Variants in RBFOX2 observed in about 807,000 individuals in gnomAD.
The protein encoded by RBFOX2 is RNA binding protein fox-1 homolog 2.
Under a neutral mutation model 49.1 loss-of-function variants are expected in RBFOX2, and 10 were observed. The observed-to-expected ratio is 0.20, with a 90% CI of 0.13 to 0.35. The LOEUF (loss-of-function observed/expected upper bound fraction) is 0.35, where lower values mean the gene tolerates loss of function less well. Among genes scored for constraint, RBFOX2 ranks in the 10% least tolerant of loss-of-function variants. RBFOX2 has a pLI of 1.00. For synonymous variants in RBFOX2, 183 were observed against 187.4 expected, an observed-to-expected ratio of 0.98 and a Z score of 0.19; for missense variants, 323 against 486.9, an observed-to-expected ratio of 0.66 and a Z score of 3.17.
Position 35,793,405 on chromosome 22 carries a change from T to TA in RBFOX2, c.253-11660dup, listed in dbSNP as rs556515805. Among the ~76,000 whole-genome samples the TA allele has an allele frequency of 1.8e-3, 276 of 152,240 alleles. 2 individuals carry two copies. Among genetic ancestry groups the TA allele is most frequent in the African/African-American group, 6.5e-3 (270 of 41,560 alleles). On this transcript the variant is annotated intron_variant, in intron 2 of 11. Coordinates refer to ENST00000405409, the Ensembl canonical transcript of RBFOX2. ...AAATAAATCAATGAATAAAAATGTTTACGATGGAGTTCCTGATGGGTTAAA... is the reference window on the plus strand; with the variant it reads ...AAATAAATCAATGAATAAAAATGTTTAACGATGGAGTTCCTGATGGGTTAAA...
chr22:35,905,236 T>C (rs2048995936), intron 1 of RBFOX2, among the ~76,000 whole-genome samples: 1 of 151,980 alleles, frequency 6.6e-6, no homozygotes, highest in Non-Finnish European at 1.5e-5. Context: ...AAAAGGAATA[T>C]TATGTTAGAG....
At chr22:35,860,673 T>C (rs1195963070) in intron 1 of RBFOX2, among the ~76,000 whole-genome samples, 1 of 152,250 alleles carries the variant, frequency 6.6e-6, no homozygotes, top group Non-Finnish European at 1.5e-5. Flanking sequence ...TTCTAGGTCT[T>C]TGGCATTTCC....
intron 1 of RBFOX2, among the ~76,000 whole-genome samples, chr22:36,009,113 C>T (rs1603465946): frequency 6.6e-6 from 1 of 152,268 alleles, no homozygotes; most frequent in East Asian, 1.9e-4. Context: ...TACTAGAAGT[C>T]TTTCAGTGAA....
chr22:35,920,905 C>G (rs1461598591), intron 1 of RBFOX2, among the ~76,000 whole-genome samples: 1 of 152,130 alleles, frequency 6.6e-6, no homozygotes, highest in African/African-American at 2.4e-5. Context: ...AGATAATCAA[C>G]AACAAAACGT....
At chr22:35,849,538 A>C (rs1480035719) in intron 1 of RBFOX2, among the ~76,000 whole-genome samples, 1 of 152,210 alleles carries the variant, frequency 6.6e-6, no homozygotes, top group East Asian at 1.9e-4. Flanking sequence ...CACATAAATC[A>C]AACAGTATCT....
rs763481071 is a variant in RBFOX2, at chr22:35,978,203, G to A, written c.187-39306C>T. On this transcript the variant is annotated intron_variant, in intron 1 of 13. Coordinates refer to the RBFOX2 transcript ENST00000438146. ...ATATTTACAAATATGGAAAGAGGTT[G>A]GCTGCATTTAATGGAGTTATCAGTG... 9.9e-5 allele frequency among the ~76,000 whole-genome samples: 15 copies of A among 152,142 alleles called. No individual in the cohort carries two copies. The South Asian group carries it at 1.9e-3, about 19-fold the overall frequency.
At chr22:35,793,733 C>T (rs1031618583) in intron 2 of RBFOX2, among the ~76,000 whole-genome samples, 4 of 152,168 alleles carry the variant, frequency 2.6e-5, no homozygotes, top group African/African-American at 9.7e-5. Flanking sequence ...AATGCTTAAA[C>T]ATTTCTTCTG....
At chr22:35,954,417 G>A (rs1018666449) in intron 1 of RBFOX2, among the ~76,000 whole-genome samples, 1 of 152,190 alleles carries the variant, frequency 6.6e-6, no homozygotes, top group African/African-American at 2.4e-5. Flanking sequence ...CAGGATGTAT[G>A]CCTTATTATC....
rs533188872 is a variant in RBFOX2 at position 35,990,568 on chromosome 22, T to C, written c.186+37672A>G. 4.6e-5 allele frequency among the ~76,000 whole-genome samples: 7 copies of C among 152,260 alleles called. No homozygotes were observed. The South Asian group carries it at 1.5e-3, about 32-fold the overall frequency. ...TTTTCAGAAATTAAGCAGTTCTAAA[T>C]TGACTAACCCCAAAATGTGGCCTTA... On this transcript the variant is annotated intron_variant, in intron 1 of 13. Coordinates refer to the RBFOX2 transcript ENST00000438146.
chr22:35,750,378 TTAA>T (rs1203569657), intron 9 of RBFOX2: 2 of 1,452,704 alleles, frequency 1.4e-6, no homozygotes, highest in African/African-American at 1.4e-5. Context: ...GAAGCAACCA[TTAA>T]TAATAAAAAT....
At chr22:35,889,044 C>T (rs569974116) in intron 1 of RBFOX2, among the ~76,000 whole-genome samples, 15 of 152,138 alleles carry the variant, frequency 9.9e-5, no homozygotes, top group Middle Eastern at 3.4e-3. Context: ...ATCCCAGCTA[C>T]CTGGGAGGCT....
At chr22:35,947,748 A>G (rs967490013) in intron 1 of RBFOX2, among the ~76,000 whole-genome samples, 1 of 151,398 alleles carries the variant, frequency 6.6e-6, no homozygotes, top group South Asian at 2.1e-4. Flanking sequence ...CAAATAAAAT[A>G]TTTTTGTACA....
intron 1 of RBFOX2, among the ~76,000 whole-genome samples, chr22:35,876,771 C>A (rs1192390848): frequency 6.6e-6 from 1 of 151,106 alleles, no homozygotes; most frequent in Admixed American, 6.6e-5. Context: ...GTTTCTAGAC[C>A]AGATATCACA....
intron 1 of RBFOX2, among the ~76,000 whole-genome samples, chr22:35,877,846 T>C (rs2045340082): frequency 2.0e-5 from 3 of 151,996 alleles, no homozygotes; most frequent in African/African-American, 4.8e-5. Flanking sequence ...AGTTACTAAG[T>C]ATTCCGTTAC....
intron 4 of RBFOX2, among the ~76,000 whole-genome samples, chr22:35,772,663 G>A (rs1198414655): frequency 6.6e-6 from 1 of 152,044 alleles, no homozygotes; most frequent in East Asian, 1.9e-4. Context: ...TGATTTACCA[G>A]GTATCTTAGC....
chr22:35,976,134 T>A (rs1219928659), intron 1 of RBFOX2, among the ~76,000 whole-genome samples: 1 of 152,214 alleles, frequency 6.6e-6, no homozygotes, highest in Non-Finnish European at 1.5e-5. Flanking sequence ...ATCTCCTACC[T>A]ATCAAATGAA....
chr22:35,789,472 G>A (rs1024274853), intron 2 of RBFOX2, among the ~76,000 whole-genome samples: 1 of 152,128 alleles, frequency 6.6e-6, no homozygotes. Flanking sequence ...GAACCCAGGA[G>A]GCAGAGGTTG....
intron 6 of RBFOX2, among the ~76,000 whole-genome samples, chr22:35,762,024 T>A (rs1461511467): frequency 6.6e-6 from 1 of 152,138 alleles, no homozygotes; most frequent in Non-Finnish European, 1.5e-5. Context: ...TTTACTGGGG[T>A]TCACCAACTA....
intron 1 of RBFOX2, among the ~76,000 whole-genome samples, chr22:35,957,412 T>G (rs2055696446): frequency 1.3e-5 from 2 of 152,320 alleles, no homozygotes; most frequent in South Asian, 4.1e-4. Flanking sequence ...AGGGATCATC[T>G]AATTCTAATT....
Sources: allele counts gnomAD v4.1 joint callset (sites outside exome capture counted in the v4.1 genomes callset), GRCh38; gene constraint gnomAD v4.1.1; transcripts MANE v1.5; gene names NCBI Gene and HGNC (gene_info 2026-07-23, HGNC 2026-07-21).